Variants in SDHAF3 observed in about 807,000 individuals in gnomAD.
SDHAF3 encodes the protein succinate dehydrogenase assembly factor 3, mitochondrial.
A neutral mutation model predicts 11.5 loss-of-function variants in SDHAF3; 18 were observed. The observed-to-expected ratio is 1.56, with a 90% confidence interval of 1.08 to 2.32. The LOEUF is 2.32. Ranked by LOEUF, SDHAF3 falls within the 30% of genes most tolerant of loss-of-function variation. SDHAF3 has a pLI of 0.00. For missense variants in SDHAF3, 200 were observed against 154.4 expected (o/e 1.30, Z -1.57); for synonymous variants, 72 against 59.3 (o/e 1.21, Z -0.99).
chr7:97,150,232 C>T (rs1033343328), intron 1 of SDHAF3, among the ~76,000 whole-genome samples: 1 of 152,196 alleles, frequency 6.6e-6, no homozygotes, highest in Non-Finnish European at 1.5e-5. Flanking sequence ...CTTCCAAACT[C>T]CTGTTAATGT....
At chr7:97,143,569 C>T (rs866872384) in intron 1 of SDHAF3, among the ~76,000 whole-genome samples, 4 of 152,036 alleles carry the variant, frequency 2.6e-5, no homozygotes, top group East Asian at 1.9e-4. Context: ...TTTTTCCATT[C>T]GTGAGTTACG....
At chr7:97,120,425 G>A (rs969765931) in intron 1 of SDHAF3, among the ~76,000 whole-genome samples, 3 of 152,008 alleles carry the variant, frequency 2.0e-5, no homozygotes, top group African/African-American at 7.2e-5. Flanking sequence ...GATTGGAGGG[G>A]AGAAAAACCT....
chr7:97,171,125 G>T (rs571803251), intron 1 of SDHAF3, among the ~76,000 whole-genome samples: 1 of 152,200 alleles, frequency 6.6e-6, no homozygotes, highest in African/African-American at 2.4e-5. Context: ...TTGTGGAGAG[G>T]AGTGTTTTTT....
intron 1 of SDHAF3, among the ~76,000 whole-genome samples, chr7:97,166,411 G>C (rs769439638): frequency 2.7e-5 from 4 of 147,758 alleles, no homozygotes; most frequent in Non-Finnish European, 4.5e-5. Context: ...AAGATTTTCT[G>C]ATGGGCAATT....
At chr7:97,127,641 T>C (rs1156862915) in intron 1 of SDHAF3, among the ~76,000 whole-genome samples, 1 of 152,156 alleles carries the variant, frequency 6.6e-6, no homozygotes, top group African/African-American at 2.4e-5. Flanking sequence ...AATGTATGCT[T>C]CTCTTACCTA....
chr7:97,130,057 G>T (rs1791643187), intron 1 of SDHAF3, among the ~76,000 whole-genome samples: 1 of 152,046 alleles, frequency 6.6e-6, no homozygotes, highest in Admixed American at 6.5e-5. Flanking sequence ...GAGATGCGAG[G>T]AACTGTGGAG....
At chr7:97,170,324 G>A (rs1383458522) in intron 1 of SDHAF3, among the ~76,000 whole-genome samples, 2 of 152,110 alleles carry the variant, frequency 1.3e-5, no homozygotes, top group Non-Finnish European at 2.9e-5. Context: ...AACATAAAAT[G>A]TACAAGTAGT....
At chr7:97,117,929 C>G in intron 1 of SDHAF3, 32 bp downstream of exon 1, 3 of 1,606,880 alleles carry the variant, frequency 1.9e-6, no homozygotes, top group Non-Finnish European at 2.6e-6. Flanking sequence ...TTGCCCAAGA[C>G]CTTTGGGGTT....
intron 1 of SDHAF3, among the ~76,000 whole-genome samples, chr7:97,156,123 G>T (rs1789298170): frequency 6.6e-6 from 1 of 152,032 alleles, no homozygotes; most frequent in Non-Finnish European, 1.5e-5. Flanking sequence ...TTCTGTTCCA[G>T]GATTCCACCC....
intron 1 of SDHAF3, among the ~76,000 whole-genome samples, chr7:97,173,546 ATTTT>A (rs10538365): frequency 3.7e-4 from 50 of 135,426 alleles, no homozygotes; most frequent in African/African-American, 1.2e-3. Flanking sequence ...CAAAATTAGA[ATTTT>A]TTTTTTTTTT....
At chr7:97,139,067 C>T (rs749504243) in intron 1 of SDHAF3, among the ~76,000 whole-genome samples, 1 of 152,258 alleles carries the variant, frequency 6.6e-6, no homozygotes, top group Non-Finnish European at 1.5e-5. Context: ...TGGCCTGGCC[C>T]TGCCGCTGCA....
chr7:97,118,805 G>C (rs922011595), intron 1 of SDHAF3, among the ~76,000 whole-genome samples: 10 of 152,152 alleles, frequency 6.6e-5, no homozygotes, highest in African/African-American at 2.4e-4. Flanking sequence ...CAAAAGAATG[G>C]TTAGGGTGAA....
rs549178111 is a variant in SDHAF3 at position 97,176,649 on chromosome 7, G to A, written c.175-4363G>A. 6.6e-5 allele frequency among the ~76,000 whole-genome samples: 10 copies of A among 152,214 alleles called. 1 individual carries two copies. The South Asian group carries it at 1.7e-3, about 25-fold the overall frequency. ...AGTCGGTAATGGGTGGTGTACGGGC[G>A]AAAGGTTGGGTTTTTTTGTTTCCTT... On this transcript the variant is annotated intron_variant, in intron 1 of 1. Coordinates refer to ENST00000432641, the MANE Select transcript of SDHAF3 (RefSeq NM_020186.3).
chr7:97,173,030 T>A (rs1235850477), intron 1 of SDHAF3, among the ~76,000 whole-genome samples: 2 of 152,096 alleles, frequency 1.3e-5, no homozygotes, highest in African/African-American at 4.8e-5. Context: ...TCTCATGAGG[T>A]GCACATAACC....
intron 1 of SDHAF3, among the ~76,000 whole-genome samples, chr7:97,153,332 TTTTATTTGG>T (rs1234222938): frequency 6.6e-6 from 1 of 152,232 alleles, no homozygotes; most frequent in Non-Finnish European, 1.5e-5. Context: ...TCTTGGCTGC[TTTTATTTGG>T]TAATATGCGT....
chr7:97,119,592 A>G lies in SDHAF3; in HGVS notation c.174+1695A>G, dbSNP rs1329181544. Among the ~76,000 whole-genome samples the G allele has an allele frequency of 2.0e-5, 3 of 152,154 alleles. No individual in the cohort carries two copies. In the East Asian group the frequency reaches 5.8e-4, roughly 29 times the overall value. The stretch of plus-strand genomic sequence containing the variant: ...CAGTGATCAAAAACAAGAAATTAAC[A>G]TTGCTACAATGCTGTTAACTACAGA... On this transcript the variant is annotated intron_variant, in intron 1 of 1. Coordinates refer to ENST00000432641, the MANE Select transcript of SDHAF3 (RefSeq NM_020186.3).
intron 1 of SDHAF3, among the ~76,000 whole-genome samples, chr7:97,141,216 T>C (rs1168390672): frequency 6.6e-6 from 1 of 152,180 alleles, no homozygotes; most frequent in African/African-American, 2.4e-5. Flanking sequence ...TCAATGACAA[T>C]GCGTGCCGGA....
chr7:97,135,620 T>TGTGTGTGTGA (rs1562821832), intron 1 of SDHAF3: 11 of 148,114 alleles, frequency 7.4e-5, no homozygotes, highest in African/African-American at 2.8e-4. Context: ...TGTGTGTGTG[T>TGTGTGTGTGA]GAGATGTATG....
chr7:97,165,862 G>A (rs1368524179), intron 1 of SDHAF3, among the ~76,000 whole-genome samples: 1 of 152,096 alleles, frequency 6.6e-6, no homozygotes, highest in African/African-American at 2.4e-5. Context: ...GTGTATCAAT[G>A]CCTGGTATTG....
Sources: gnomAD v4.1 joint callset for allele counts (sites outside exome capture counted in the v4.1 genomes callset) on GRCh38, gnomAD v4.1.1 for gene constraint, MANE v1.5 for transcripts, NCBI Gene and HGNC (gene_info 2026-07-23, HGNC 2026-07-21) for gene names.